EPHA4: variants seen among roughly 807,000 people sequenced by gnomAD.
The protein encoded by EPHA4 is EPH receptor A4.
EPHA4 carries 19 observed loss-of-function variants against 108.3 expected under a neutral mutation model. That is an observed-to-expected ratio of 0.18 (90% CI 0.12 to 0.26). The LOEUF (loss-of-function observed/expected upper bound fraction) is 0.26, where lower values mean the gene tolerates loss of function less well. Among genes scored for constraint, EPHA4 ranks in the 10% least tolerant of loss-of-function variants. EPHA4 has a pLI of 1.00. For missense variants in EPHA4, 917 were observed against 1,254.0 expected (o/e 0.73, Z 4.06); for synonymous variants, 449 against 455.5 (o/e 0.99, Z 0.18).
In EPHA4 at chr2:221,536,146, C is replaced by T. The variant is rs148507111; in HGVS notation, c.823+27585G>A. 1.7e-3 allele frequency among the ~76,000 whole-genome samples: 257 copies of T among 152,312 alleles called. 4 individuals carry two copies. The highest frequency in any genetic ancestry group is 6.0e-3 in the African/African-American group (248 of 41,568). On this transcript the variant is annotated intron_variant, in intron 3 of 17. Coordinates refer to ENST00000281821, the MANE Select transcript of EPHA4 (RefSeq NM_004438.5). ...GGCAAAAGAGCACTTTATCTTATCACTCATTTTGACACTTAAGAGCTACCG... is the reference window on the plus strand; with the variant it reads ...GGCAAAAGAGCACTTTATCTTATCATTCATTTTGACACTTAAGAGCTACCG...
chr2:221,540,932 C>CTT lies in EPHA4; in HGVS notation c.823+22797_823+22798dup, dbSNP rs762353327. On this transcript the variant is annotated intron_variant, in intron 3 of 17. Coordinates refer to ENST00000281821, the MANE Select transcript of EPHA4 (RefSeq NM_004438.5). ...TGTCCAAAATGTTGTGGAAAACTGT[C>CTT]TTTTTTTTTTTTTTTTTTTTGAGGG... 4.4e-3 allele frequency among the ~76,000 whole-genome samples: 529 copies of CTT among 120,600 alleles called. 2 individuals are homozygous for CTT. The highest frequency in any genetic ancestry group is 9.7e-3 in the Middle Eastern group (2 of 206). The allele number at this position is 120,600 out of a possible 152,430, so 79.1% of individuals were successfully genotyped here.
rs1459660626 is a variant in EPHA4, at chr2:221,430,467, CCCCCTGCCTCCAGT to C, written c.2497-330_2497-317del. Among the ~76,000 whole-genome samples the C allele has an allele frequency of 5.9e-5, 9 of 152,044 alleles. No homozygotes were observed. In the South Asian group the frequency reaches 1.0e-3, roughly 18 times the overall value. On this transcript the variant is annotated intron_variant, in intron 14 of 17. Coordinates refer to ENST00000281821, the MANE Select transcript of EPHA4 (RefSeq NM_004438.5). ...AGAGATCATGTGGCCCTGCCCCCTG[CCCCCTGCCTCCAGT>C]CCCCTGCCCCGCTCCATTCTGCTAT...
At chr2:221,491,876 T>C (rs1559264270) in intron 4 of EPHA4, among the ~76,000 whole-genome samples, 1 of 151,934 alleles carries the variant, frequency 6.6e-6, no homozygotes, top group Non-Finnish European at 1.5e-5. Flanking sequence ...CTGGGCTGAG[T>C]GTGGTGGCTC....
chr2:221,480,575 G>A (rs188363084), intron 5 of EPHA4, among the ~76,000 whole-genome samples: 97 of 152,268 alleles, frequency 6.4e-4, no homozygotes, highest in African/African-American at 2.1e-3. Flanking sequence ...GAGTACTCAT[G>A]TTTCTATCAA....
At chr2:221,476,831 T>C (rs1372166220) in intron 5 of EPHA4, among the ~76,000 whole-genome samples, 4 of 152,196 alleles carry the variant, frequency 2.6e-5, no homozygotes, top group Non-Finnish European at 5.9e-5. Context: ...AATGGGAACT[T>C]ACCAGTTGAA....
chr2:221,545,758 C>T (rs929807090), intron 3 of EPHA4, among the ~76,000 whole-genome samples: 7 of 152,226 alleles, frequency 4.6e-5, no homozygotes, highest in Non-Finnish European at 8.8e-5. Flanking sequence ...GGTGGGCTCC[C>T]GGCAGTACAC....
intron 4 of EPHA4, among the ~76,000 whole-genome samples, chr2:221,482,942 T>A (rs1455564004): frequency 6.6e-6 from 1 of 152,208 alleles, no homozygotes; most frequent in Non-Finnish European, 1.5e-5. Flanking sequence ...GTGAAGCAAC[T>A]CTCCAGCAAA....
At chr2:221,516,811 C>CA (rs140040791) in intron 3 of EPHA4, among the ~76,000 whole-genome samples, 1 of 152,338 alleles carries the variant, frequency 6.6e-6, no homozygotes, top group African/African-American at 2.4e-5. Context: ...TGAGCTCCAA[C>CA]ACTTTCTCAG....
intron 11 of EPHA4, among the ~76,000 whole-genome samples, chr2:221,440,909 G>A (rs959599382): frequency 2.0e-5 from 3 of 152,096 alleles, no homozygotes; most frequent in African/African-American, 7.2e-5. Flanking sequence ...TTCTCAAAGC[G>A]TGATTCCCAT....
intron 5 of EPHA4, among the ~76,000 whole-genome samples, chr2:221,475,768 A>G (rs1286892867): frequency 6.6e-6 from 1 of 152,214 alleles, no homozygotes; most frequent in East Asian, 1.9e-4. Flanking sequence ...ATGTCACAAA[A>G]TATTATTCTG....
chr2:221,422,174 C>T (rs1689779514), intron 17 of EPHA4: 1 of 152,026 alleles, frequency 6.6e-6, no homozygotes, highest in African/African-American at 2.4e-5. Context: ...GTAAAAATGA[C>T]AGAAAAGTCA....
intron 3 of EPHA4, among the ~76,000 whole-genome samples, chr2:221,534,469 C>A (rs963295456): frequency 1.3e-5 from 2 of 152,200 alleles, no homozygotes; most frequent in Non-Finnish European, 1.5e-5. Flanking sequence ...GTCTCACCCC[C>A]TCAGATGAAA....
At chr2:221,541,046 A>T (rs181852441) in intron 3 of EPHA4, among the ~76,000 whole-genome samples, 1 of 150,158 alleles carries the variant, frequency 6.7e-6, no homozygotes, top group Non-Finnish European at 1.5e-5. Flanking sequence ...TCCTGGGTTC[A>T]GGTGAGCCTC....
chr2:221,505,617 C>T (rs907398034), intron 3 of EPHA4, among the ~76,000 whole-genome samples: 21 of 152,174 alleles, frequency 1.4e-4, no homozygotes, highest in African/African-American at 4.6e-4. Context: ...AGCCATCACA[C>T]CTGGGCTAAA....
intron 3 of EPHA4, among the ~76,000 whole-genome samples, chr2:221,545,947 T>G (rs560997232): frequency 6.6e-6 from 1 of 152,244 alleles, no homozygotes; most frequent in Non-Finnish European, 1.5e-5. Context: ...TGTTCAACAT[T>G]GTTTAATTTT....
At chr2:221,551,379 T>G (rs1694157350) in intron 3 of EPHA4, among the ~76,000 whole-genome samples, 1 of 152,140 alleles carries the variant, frequency 6.6e-6, no homozygotes, top group Non-Finnish European at 1.5e-5. Flanking sequence ...CTTGTAGAAG[T>G]CAACAATCCT....
At chr2:221,501,995 G>A (rs1005348534) in intron 3 of EPHA4, among the ~76,000 whole-genome samples, 3 of 151,882 alleles carry the variant, frequency 2.0e-5, no homozygotes, top group Non-Finnish European at 4.4e-5. Context: ...CCCCTGCAAT[G>A]CACACACCTC....
At chr2:221,546,182 G>A (rs369611903) in intron 3 of EPHA4, among the ~76,000 whole-genome samples, 1 of 152,282 alleles carries the variant, frequency 6.6e-6, no homozygotes, top group East Asian at 1.9e-4. Flanking sequence ...ATATGGGGAT[G>A]GGGGAGGGGG....
chr2:221,454,116 G>A (rs562972243), intron 8 of EPHA4, among the ~76,000 whole-genome samples: 2 of 152,148 alleles, frequency 1.3e-5, no homozygotes, highest in African/African-American at 2.4e-5. Context: ...GGAGGCAGAC[G>A]TTGTAGTGAC....
Sources: allele counts gnomAD v4.1 joint callset (sites outside exome capture counted in the v4.1 genomes callset), GRCh38; gene constraint gnomAD v4.1.1; transcripts MANE v1.5; gene names NCBI Gene and HGNC (gene_info 2026-07-23, HGNC 2026-07-21).